WDR5: variants seen among roughly 807,000 people sequenced by gnomAD.
WDR5 encodes WD repeat domain 5.
For synonymous variants in WDR5, 144 were observed against 161.6 expected (o/e 0.89, Z 0.83); for missense variants, 187 against 416.9 (o/e 0.45, Z 4.80).
chr9:134,147,879 G>C (rs1024047919), intron 7 of WDR5, among the ~76,000 whole-genome samples: 4 of 152,038 alleles, frequency 2.6e-5, no homozygotes, highest in Non-Finnish European at 5.9e-5. Context: ...AAAAAGGGTG[G>C]GCGCGGTGCC....
intron 6 of WDR5, 25 bp downstream of exon 6, chr9:134,142,447 C>T (rs758851397): frequency 6.2e-7 from 1 of 1,612,148 alleles, no homozygotes; most frequent in Non-Finnish European, 8.5e-7. Flanking sequence ...GGTGTCTTCC[C>T]TGGGGGAGGT....
intron 3 of WDR5, 37 bp from the exon 4 acceptor site, chr9:134,141,465 AATTGTGTC>A (rs1163022248): frequency 1.3e-6 from 2 of 1,597,500 alleles, no homozygotes; most frequent in Admixed American, 3.3e-5. Flanking sequence ...ATGACTAGAC[AATTGTGTC>A]CTGCTCTTAG....
Position 134,152,917 on chromosome 9 carries a change from G to A in WDR5, c.631+888G>A, listed in dbSNP as rs76046806. ...TCACACCAGTGTCCCTGGTGCCTCC[G>A]TGTGTCCAAATGTCCTCTTGTAAGG... On this transcript the variant is annotated intron_variant, in intron 9 of 13. Coordinates refer to ENST00000358625, the MANE Select transcript of WDR5 (RefSeq NM_017588.3). Among the ~76,000 whole-genome samples, 574 of 152,258 alleles carry A rather than the reference G, an allele frequency of 3.8e-3. 19 individuals carry two copies. The East Asian group carries it at 0.081, about 21-fold the overall frequency.
At chr9:134,142,093 A>C in intron 5 of WDR5, 55 bp downstream of exon 5, 1 of 1,424,066 alleles carries the variant, frequency 7.0e-7, no homozygotes, top group Non-Finnish European at 9.5e-7. Context: ...GGCACGGGGC[A>C]GGTGCGGGGG....
At chr9:134,140,090 C>G in intron 2 of WDR5, 132 bp downstream of exon 2, 2 of 1,075,426 alleles carry the variant, frequency 1.9e-6, no homozygotes, top group African/African-American at 1.6e-5. Flanking sequence ...ATTTACTGAC[C>G]GCATATCTGG....
chr9:134,156,402 G>T (rs2132589335), intron 12 of WDR5, 104 bp from the exon 13 acceptor site: 1 of 1,159,596 alleles, frequency 8.6e-7, no homozygotes, highest in Non-Finnish European at 1.3e-6. Context: ...GCCACCAGCA[G>T]GGTGGGCGTG....
chr9:134,154,630 T>G, intron 10 of WDR5, 89 bp downstream of exon 10: 1 of 1,452,670 alleles, frequency 6.9e-7, no homozygotes, highest in Non-Finnish European at 9.6e-7. Flanking sequence ...GGAGAGCGTG[T>G]TGTGGGCTTG....
chr9:134,137,512 G>A (rs1176933231), intron 1 of WDR5, among the ~76,000 whole-genome samples: 1 of 151,834 alleles, frequency 6.6e-6, no homozygotes, highest in African/African-American at 2.4e-5. Context: ...GCGAAACTCC[G>A]TCTCTACTAA....
chr9:134,142,280 C>G (rs902401742), intron 5 of WDR5, 53 bp from the exon 6 acceptor site: 13 of 1,568,098 alleles, frequency 8.3e-6, no homozygotes, highest in African/African-American at 4.1e-5. Flanking sequence ...TGACCTGACT[C>G]TTACGTTTGG....
intron 2 of WDR5, 43 bp from the exon 3 acceptor site, chr9:134,140,660 C>G: frequency 6.5e-7 from 1 of 1,534,056 alleles, no homozygotes; most frequent in Non-Finnish European, 9.0e-7. Flanking sequence ...ACGGGTGGAA[C>G]GTACAGTGGT....
At chr9:134,147,383 A>G (rs1160834863) in intron 7 of WDR5, among the ~76,000 whole-genome samples, 2 of 152,132 alleles carry the variant, frequency 1.3e-5, no homozygotes, top group Non-Finnish European at 2.9e-5. Flanking sequence ...ATAGTAGCTC[A>G]CCGGTGCCTT....
intron 7 of WDR5, among the ~76,000 whole-genome samples, chr9:134,147,983 C>T (rs558851101): frequency 2.6e-5 from 4 of 151,944 alleles, no homozygotes; most frequent in East Asian, 1.9e-4. Flanking sequence ...GGTGAAACCC[C>T]GTCTCTCCTA....
intron 7 of WDR5, among the ~76,000 whole-genome samples, chr9:134,143,527 C>CT (rs1405874194): frequency 1.4e-5 from 2 of 147,524 alleles, no homozygotes; most frequent in Non-Finnish European, 3.0e-5. Flanking sequence ...GAGCGAAACT[C>CT]TGTCTTTTTT....
chr9:134,149,116 G>T (rs751250210), intron 8 of WDR5, among the ~76,000 whole-genome samples: 1 of 152,192 alleles, frequency 6.6e-6, no homozygotes, highest in Non-Finnish European at 1.5e-5. Flanking sequence ...CTCGAAATCT[G>T]TTTCCCAGTC....
intron 13 of WDR5, 115 bp downstream of exon 13, chr9:134,156,708 C>T: frequency 2.0e-6 from 2 of 993,600 alleles, no homozygotes; most frequent in Non-Finnish European, 1.5e-6. Flanking sequence ...CACCTCAGCC[C>T]TCCGCTGGCC....
At chr9:134,142,302 C>T (rs1275528542) in intron 5 of WDR5, 31 bp from the exon 6 acceptor site, 1 of 1,601,772 alleles carries the variant, frequency 6.2e-7, no homozygotes, top group Non-Finnish European at 8.5e-7. Context: ...GAAATAAGCA[C>T]TGGAATAATC....
rs990260807 is a variant in WDR5 at position 134,157,209 on chromosome 9, G to T, written c.904+616G>T. ...GGAGGCACTGCTTCTCCCTCCCTGTGAGCAGCTTCACCCAGCCTGGGGTCA... is the reference window on the plus strand; with the variant it reads ...GGAGGCACTGCTTCTCCCTCCCTGTTAGCAGCTTCACCCAGCCTGGGGTCA... On this transcript the variant is annotated intron_variant, in intron 13 of 13. Transcript: ENST00000358625. This position sits in a 1 kb window ranked among gnomAD's most constrained non-coding sequence, Gnocchi z 5.0. 6.6e-6 allele frequency among the ~76,000 whole-genome samples: 1 copy of T among 152,176 alleles called. No individual in the cohort carries two copies. The highest frequency in any genetic ancestry group is 1.5e-5 in the Non-Finnish European group (1 of 68,042).
At chr9:134,141,200 C>A (rs977014604) in intron 3 of WDR5, among the ~76,000 whole-genome samples, 2 of 152,158 alleles carry the variant, frequency 1.3e-5, no homozygotes, top group Non-Finnish European at 2.9e-5. Flanking sequence ...GCAGGAGAAT[C>A]GCTTGAACCT....
chr9:134,156,607 C>T lies in WDR5; in HGVS notation c.904+14C>T. On this transcript the variant is annotated intron_variant, in intron 13 of 13. Transcript: ENST00000358625. ...AAGGCCACACAGGTGAGGGCCTGCG[C>T]TCCTGCAGTCACTGGCTGCCTGTTG... is the stretch of plus-strand genomic sequence containing the variant. 1 of 1,613,458 alleles carries T rather than the reference C, an allele frequency of 6.2e-7. No homozygotes were observed. The highest frequency in any genetic ancestry group is 8.5e-7 in the Non-Finnish European group (1 of 1,179,408).
Sources: allele counts gnomAD v4.1 joint callset (sites outside exome capture counted in the v4.1 genomes callset), GRCh38; gene constraint gnomAD v4.1.1; non-coding constraint Gnocchi (gnomAD v3.1); transcripts MANE v1.5; gene names NCBI Gene and HGNC (gene_info 2026-07-23, HGNC 2026-07-21).